Variants in NBAS observed in about 807,000 individuals in gnomAD.
NBAS encodes NAG/BC035112 fusion.
NBAS carries 219 observed loss-of-function variants against 302.5 expected under a neutral mutation model. That is an observed-to-expected ratio of 0.72 (90% confidence interval 0.65 to 0.81). The LOEUF (loss-of-function observed/expected upper bound fraction) is 0.81, where lower values mean the gene tolerates loss of function less well. Ranked by LOEUF, NBAS falls within the 30% of genes least tolerant of loss-of-function variation. The pLI, the probability that NBAS is intolerant of heterozygous loss-of-function variation, is 0.00. For synonymous variants in NBAS, 1,118 were observed against 1,021.6 expected (o/e 1.09, Z -1.80); for missense variants, 2,932 against 2,841.6 (o/e 1.03, Z -0.72).
intron 28 of NBAS, among the ~76,000 whole-genome samples, chr2:15,386,866 C>A (rs1675324166): frequency 6.6e-6 from 1 of 151,900 alleles, no homozygotes; most frequent in Non-Finnish European, 1.5e-5. Context: ...ACAGAGTAAT[C>A]TGTTAGTTCT....
chr2:15,239,206 T>A (rs1667744595), intron 44 of NBAS, among the ~76,000 whole-genome samples: 1 of 152,116 alleles, frequency 6.6e-6, no homozygotes, highest in Admixed American at 6.5e-5. Flanking sequence ...CATTTTGGAA[T>A]ATGTTTGTCA....
the NBAS span, among the ~76,000 whole-genome samples, chr2:15,038,837 G>A: frequency 2.0e-5 from 3 of 152,188 alleles, no homozygotes; most frequent in Admixed American, 2.0e-4. Flanking sequence ...AGTGGGATGG[G>A]GAGGAAGTCA....
At chr2:15,211,257 T>C (rs1013311943) in intron 48 of NBAS, among the ~76,000 whole-genome samples, 3 of 152,032 alleles carry the variant, frequency 2.0e-5, no homozygotes, top group African/African-American at 4.8e-5. Context: ...ACACCTACTA[T>C]GTACCCACAA....
the NBAS span, among the ~76,000 whole-genome samples, chr2:14,786,215 C>T: frequency 2.6e-5 from 4 of 151,868 alleles, no homozygotes; most frequent in Non-Finnish European, 4.4e-5. Flanking sequence ...TCTCTCTTTT[C>T]TTCTTTATTA....
chr2:14,845,331 G>A, the NBAS span, among the ~76,000 whole-genome samples: 11 of 152,216 alleles, frequency 7.2e-5, no homozygotes, highest in Non-Finnish European at 1.5e-4. Flanking sequence ...GAGTCTGCAA[G>A]AACCACAGTG....
At chr2:14,928,896 C>A in the NBAS span, among the ~76,000 whole-genome samples, 1 of 152,132 alleles carries the variant, frequency 6.6e-6, no homozygotes, top group Non-Finnish European at 1.5e-5. Context: ...ACTTGGAGCA[C>A]AATAGAGACC....
intron 9 of NBAS, among the ~76,000 whole-genome samples, chr2:15,512,284 A>G (rs898257277): frequency 2.0e-5 from 3 of 152,206 alleles, no homozygotes; most frequent in Non-Finnish European, 4.4e-5. Context: ...ACCTCATGAC[A>G]TAACACCATG....
the NBAS span, among the ~76,000 whole-genome samples, chr2:14,904,756 A>G: frequency 1.3e-5 from 2 of 152,098 alleles, no homozygotes; most frequent in African/African-American, 4.8e-5. Flanking sequence ...TCTAATCCTA[A>G]AAGTAACTCT....
the NBAS span, among the ~76,000 whole-genome samples, chr2:14,963,198 G>A: frequency 2.0e-5 from 3 of 152,228 alleles, no homozygotes; most frequent in Non-Finnish European, 2.9e-5. Context: ...AACCTGGGAG[G>A]CGGAGGTTGC....
At chr2:14,936,324 T>C in the NBAS span, among the ~76,000 whole-genome samples, 1 of 152,230 alleles carries the variant, frequency 6.6e-6, no homozygotes. Flanking sequence ...TCTTATATTT[T>C]TACCCTTTAG....
the NBAS span, among the ~76,000 whole-genome samples, chr2:14,885,314 C>A: frequency 4.2e-4 from 64 of 152,188 alleles, 3 homozygotes; most frequent in South Asian, 0.013. Flanking sequence ...ATAGCAAATG[C>A]AGAATGAGAG....
At chr2:14,788,306 C>T in the NBAS span, among the ~76,000 whole-genome samples, 1 of 152,114 alleles carries the variant, frequency 6.6e-6, no homozygotes, top group African/African-American at 2.4e-5. Flanking sequence ...TGTCTGAAGC[C>T]TTCTTCTCTC....
the NBAS span, among the ~76,000 whole-genome samples, chr2:14,953,512 C>G: frequency 1.2e-4 from 18 of 152,298 alleles, no homozygotes; most frequent in East Asian, 3.5e-3. Flanking sequence ...ACTGCCTGAT[C>G]AGGGCGAGGA....
intron 31 of NBAS, among the ~76,000 whole-genome samples, chr2:15,367,695 T>A (rs906266248): frequency 4.6e-5 from 7 of 152,178 alleles, no homozygotes; most frequent in Non-Finnish European, 8.8e-5. Context: ...ATATCTTGTG[T>A]TCTCTCAAAA....
At chr2:15,144,067 A>ATATATATATATAT in the NBAS span, among the ~76,000 whole-genome samples, 1 of 115,828 alleles carries the variant, frequency 8.6e-6, no homozygotes, top group African/African-American at 3.4e-5. Flanking sequence ...ATATATATAT[A>ATATATATATATAT]TCTCCCATTA....
intron 25 of NBAS, among the ~76,000 whole-genome samples, chr2:15,415,056 A>G (rs1413248160): frequency 3.3e-5 from 5 of 152,228 alleles, no homozygotes; most frequent in African/African-American, 1.2e-4. Context: ...TTGTGGTAGG[A>G]GAAAGTGTAC....
intron 9 of NBAS, among the ~76,000 whole-genome samples, chr2:15,527,254 T>A (rs1662954501): frequency 6.6e-6 from 1 of 152,234 alleles, no homozygotes; most frequent in African/African-American, 2.4e-5. Context: ...AGAGCTCATA[T>A]ACTATTTGCT....
intron 10 of NBAS, among the ~76,000 whole-genome samples, chr2:15,508,156 T>A (rs951553517): frequency 2.0e-5 from 3 of 152,202 alleles, no homozygotes; most frequent in Non-Finnish European, 4.4e-5. Context: ...ACTTGCAGCA[T>A]TTCAAGAAGT....
chr2:14,853,557 C>A, the NBAS span, among the ~76,000 whole-genome samples: 2 of 86,744 alleles, frequency 2.3e-5, no homozygotes, highest in African/African-American at 6.4e-5. Context: ...TTTGACCCAG[C>A]CATCCCATTA....
Sources: gnomAD v4.1 joint callset for allele counts (sites outside exome capture counted in the v4.1 genomes callset) on GRCh38, gnomAD v4.1.1 for gene constraint, MANE v1.5 for transcripts, NCBI Gene and HGNC (gene_info 2026-07-23, HGNC 2026-07-21) for gene names.